MUC17: variants seen among roughly 807,000 people sequenced by gnomAD.
MUC17 encodes mucin 17, cell surface associated, also known as mucin-17.
A neutral mutation model predicts 170.3 loss-of-function variants in MUC17; 190 were observed. That is an observed-to-expected ratio of 1.12 (90% CI 0.99 to 1.26). The LOEUF is 1.26. MUC17 is among the 50% of genes most tolerant of loss of function. The pLI is 0.00. For missense variants in MUC17, 6,415 were observed against 5,530.0 expected (o/e 1.16, Z -5.08); for synonymous variants, 2,325 against 2,002.5 (o/e 1.16, Z -4.30).
In MUC17 at chr7:101,031,852, G is replaced by A. The variant is rs371869918; in HGVS notation, c.436G>A (p.Asp146Asn). The A allele has an allele frequency of 9.3e-6, 15 of 1,613,928 alleles. No individual in the cohort carries two copies. The highest frequency in any genetic ancestry group is 2.2e-5 in the South Asian group (2 of 91,068). ...ATCTCCTACAACTCCTGAAGGCACC[G>A]ACGTGCCCATGTCAACACCAAGTGA... ...TSSPTTPEGT[D>N]VPMSTPSEES... Residue 146 changes from aspartate (D) to asparagine (N), a missense_variant, in exon 3 of 13, where the codon GAC becomes AAC. Transcript: ENST00000306151.
At position 101,053,069 on chromosome 7, in the gene MUC17, G is replaced by A. The variant is rs1360423397; in HGVS notation, c.13187G>A (p.Gly4396Glu). Residue 4396 changes from glycine (G) to glutamate (E), a missense_variant, in exon 10 of 13, where the codon GGG (glycine) becomes GAG (glutamate). Physicochemically the swap from Gly to Glu is moderately conservative, Grantham distance 98. Transcript: ENST00000306151. ...TQKSLVYGLVGAGVVLMLIIL... is the reference protein window; with the variant it reads ...TQKSLVYGLVEAGVVLMLIIL... ...AAGAGTCTGGTGTACGGCCTCGTGG[G>A]GGCAGGGGTCGTGCTGATGCTGATC... is the stretch of plus-strand genomic sequence containing the variant. 6.2e-7 allele frequency: 1 copy of A among 1,614,104 alleles called. No homozygotes were observed. The highest frequency in any genetic ancestry group is 8.5e-7 in the Non-Finnish European group (1 of 1,180,024).
Position 101,036,698 on chromosome 7 carries a change from T to G in MUC17, c.5282T>G (p.Val1761Gly), listed in dbSNP as rs752914671. ...AGTATACCTGTCAGCACCACGCCGG[T>G]ACTCAGTTCTGAGGCTAGCACCCTT... ...LTSIPVSTTPVLSSEASTLSA... is the reference protein window; with the variant it reads ...LTSIPVSTTPGLSSEASTLSA... Residue 1761 changes from valine (V) to glycine (G), a missense_variant, in exon 3 of 13, where the codon GTA (valine) becomes GGA (glycine). Transcript: ENST00000306151. The G allele has an allele frequency of 6.2e-7, 1 of 1,613,026 alleles. No individual in the cohort carries two copies. The highest frequency in any genetic ancestry group is 1.3e-5 in the African/African-American group (1 of 74,560).
At position 101,037,522 on chromosome 7, in the gene MUC17, A is replaced by T. The variant is rs767170116; in HGVS notation, c.6106A>T (p.Thr2036Ser). The change falls in exon 3 of 13, where the codon ACC becomes TCC. Residue 2036 changes from threonine (T) to serine (S), a missense_variant. Thr to Ser is a moderately conservative substitution (Grantham distance 58). Coordinates refer to ENST00000306151, the MANE Select transcript of MUC17 (RefSeq NM_001040105.2). ...PTTAGGTSIQ[T>S]STPSERTTPL... ...AACTGCAGGAGGTACCAGCATACAAACCTCAACTCCTAGTGAACGGACCAC... is the reference window on the plus strand; with the variant it reads ...AACTGCAGGAGGTACCAGCATACAATCCTCAACTCCTAGTGAACGGACCAC... 1.2e-6 allele frequency: 2 copies of T among 1,613,692 alleles called. No individual in the cohort carries two copies. Among genetic ancestry groups the T allele is most frequent in the Non-Finnish European group, 1.7e-6 (2 of 1,179,836 alleles).
chr7:101,042,966 C>T lies in MUC17; in HGVS notation c.11550C>T (p.Thr3850=). Residue 3850 remains threonine (T), a synonymous_variant, in exon 3 of 13, where the codon ACC becomes ACT. Transcript: ENST00000306151. The part of the protein sequence containing the change: ...GDTSTPLLTS[T]KAGSFSIPAE... Reference sequence around the variant, plus strand: ...CCAGCACACCTTTGCTCACCTCTACCAAAGCCGGTTCATTCTCCATACCTG... The same window carrying T: ...CCAGCACACCTTTGCTCACCTCTACTAAAGCCGGTTCATTCTCCATACCTG... 1 of 1,614,136 alleles carries T rather than the reference C, an allele frequency of 6.2e-7. No individual in the cohort carries two copies. The highest frequency in any genetic ancestry group is 8.5e-7 in the Non-Finnish European group (1 of 1,180,038).
Position 101,037,157 on chromosome 7 carries a change from G to A in MUC17, c.5741G>A (p.Ser1914Asn), listed in dbSNP as rs112926140. The A allele has an allele frequency of 9.2e-5, 144 of 1,563,234 alleles. No homozygotes were observed. The African/African-American group carries it at 1.8e-3, about 20-fold the overall frequency. Residue 1914 changes from serine (S) to asparagine (N), a missense_variant, in exon 3 of 13, where the codon AGC (serine) becomes AAC (asparagine). Physicochemically the swap from Ser to Asn is conservative, Grantham distance 46. Coordinates refer to ENST00000306151, the MANE Select transcript of MUC17 (RefSeq NM_001040105.2). ...VSSSPTTADG[S>N]SMPTSTPREG... ...TCATCTCCTACAACTGCTGACGGTA[G>A]CAGCATGCCAACCTCAACTCCTAGG...
chr7:101,034,030 G>A lies in MUC17; in HGVS notation c.2614G>A (p.Val872Ile). 1 of 1,601,606 alleles carries A rather than the reference G, an allele frequency of 6.2e-7. No homozygotes were observed. Among genetic ancestry groups the A allele is most frequent in the African/African-American group, 1.3e-5 (1 of 74,088 alleles). ...EGRTPLTSMPVSTTLVATSAI... is the reference protein window; with the variant it reads ...EGRTPLTSMPISTTLVATSAI... ...AAGAACTCCTTTAACAAGTATGCCTGTCAGCACCACACTGGTGGCCACTTC... is the reference window on the plus strand; with the variant it reads ...AAGAACTCCTTTAACAAGTATGCCTATCAGCACCACACTGGTGGCCACTTC... Residue 872 changes from valine to isoleucine, a missense_variant, in exon 3 of 13, where the codon GTC becomes ATC. Physicochemically the swap from Val to Ile is conservative, Grantham distance 29. Coordinates refer to ENST00000306151, the MANE Select transcript of MUC17 (RefSeq NM_001040105.2).
chr7:101,041,774 C>A lies in MUC17; in HGVS notation c.10358C>A (p.Thr3453Asn). ...GGTACCAGCTTGCCAACCTCAACTA[C>A]TAGTGAAGGAAGCACTCCATTATCA... ...AEGTSLPTST[T>N]SEGSTPLSIM... Residue 3453 changes from threonine to asparagine, a missense_variant, in exon 3 of 13, where the codon ACT becomes AAT. Transcript: ENST00000306151. The A allele has an allele frequency of 6.2e-7, 1 of 1,613,540 alleles. No individual in the cohort carries two copies. Among genetic ancestry groups the A allele is most frequent in the Non-Finnish European group, 8.5e-7 (1 of 1,179,898 alleles).
rs201412773 is a variant in MUC17, at chr7:101,039,413, C to T, written c.7997C>T (p.Thr2666Ile). ...TPVDTRTLVT[T>I]STGTSSSPTT... is the part of the protein sequence containing the mutation. Reference sequence around the variant, plus strand: ...GTTGACACCAGGACACTTGTGACCACTTCCACTGGAACCAGTTCATCTCCT... The same window carrying T: ...GTTGACACCAGGACACTTGTGACCATTTCCACTGGAACCAGTTCATCTCCT... The change falls in exon 3 of 13, where the codon ACT becomes ATT. Residue 2666 changes from threonine (T) to isoleucine (I), a missense_variant. Thr to Ile is a moderately conservative substitution (Grantham distance 89). Transcript: ENST00000306151. The T allele has an allele frequency of 1.8e-5, 29 of 1,612,380 alleles. No homozygotes were observed. The African/African-American group carries it at 3.5e-4, about 19-fold the overall frequency.
chr7:101,056,398 C>A, intron 12 of MUC17, 128 bp downstream of exon 12: 1 of 1,409,208 alleles, frequency 7.1e-7, no homozygotes, highest in South Asian at 1.4e-5. Context: ...GGTGATCCTC[C>A]CAGGTCCATA....
intron 1 of MUC17, among the ~76,000 whole-genome samples, chr7:101,030,104 G>A (rs1045228047): frequency 2.0e-5 from 3 of 152,082 alleles, no homozygotes; most frequent in Non-Finnish European, 4.4e-5. Flanking sequence ...AAATGTTTAC[G>A]TGTGTTGAAC....
chr7:101,048,859 A>G lies in MUC17; in HGVS notation c.12550A>G (p.Ile4184Val). The G allele has an allele frequency of 6.2e-7, 1 of 1,614,136 alleles. No individual in the cohort carries two copies. Among genetic ancestry groups the G allele is most frequent in the South Asian group, 1.1e-5 (1 of 91,082 alleles). ...SSIDIGPPETISAQMELTVTV... is the reference protein window; with the variant it reads ...SSIDIGPPETVSAQMELTVTV... ...ACCCGCCTCAGGGCCACCGGAGACT[A>G]TCTCTGCCCAAATGGAACTGACTGT... Residue 4184 changes from isoleucine (I) to valine (V), a missense_variant, in exon 5 of 13, where the codon ATC becomes GTC. Ile to Val is a conservative substitution (Grantham distance 29, BLOSUM62 3). Coordinates refer to ENST00000306151, the MANE Select transcript of MUC17 (RefSeq NM_001040105.2).
rs1225988468 is a variant in MUC17 at position 101,033,722 on chromosome 7, C to T, written c.2306C>T (p.Thr769Ile). The T allele has an allele frequency of 3.7e-6, 6 of 1,613,668 alleles. No individual in the cohort carries two copies. Among genetic ancestry groups the T allele is most frequent in the Non-Finnish European group, 5.1e-6 (6 of 1,179,652 alleles). Residue 769 changes from threonine to isoleucine, a missense_variant, in exon 3 of 13, where the codon ACA becomes ATA. Coordinates refer to ENST00000306151, the MANE Select transcript of MUC17 (RefSeq NM_001040105.2). ...LTSSEASTLS[T>I]TPLDTSTHIT... ...AGTTCTGAGGCTAGCACCCTTTCAACAACTCCTCTTGACACAAGCACACAT... is the reference window on the plus strand; with the variant it reads ...AGTTCTGAGGCTAGCACCCTTTCAATAACTCCTCTTGACACAAGCACACAT...
rs1316901411 is a variant in MUC17 at position 101,033,456 on chromosome 7, C to T, written c.2040C>T (p.Thr680=). 5 of 1,613,454 alleles carry T rather than the reference C, an allele frequency of 3.1e-6. No homozygotes were observed. The highest frequency in any genetic ancestry group is 1.1e-5 in the South Asian group (1 of 90,968). ...CTGCGGAAGGTACCAGCATGCCAACCTCAACTTATACTGAAGGAAGCACTC... is the reference window on the plus strand; with the variant it reads ...CTGCGGAAGGTACCAGCATGCCAACTTCAACTTATACTGAAGGAAGCACTC... The part of the protein sequence containing the change: ...STTAEGTSMP[T]STYTEGSTPL... Residue 680 remains threonine (T), a synonymous_variant, in exon 3 of 13, where the codon ACC becomes ACT. Coordinates refer to ENST00000306151, the MANE Select transcript of MUC17 (RefSeq NM_001040105.2).
Position 101,033,461 on chromosome 7 carries a change from C to T in MUC17, c.2045C>T (p.Thr682Ile), listed in dbSNP as rs758947983. 1.2e-6 allele frequency: 2 copies of T among 1,613,454 alleles called. No individual in the cohort carries two copies. The highest frequency in any genetic ancestry group is 2.7e-5 in the African/African-American group (2 of 74,878). ...GAAGGTACCAGCATGCCAACCTCAA[C>T]TTATACTGAAGGAAGCACTCCATTA... ...TAEGTSMPTS[T>I]YTEGSTPLTS... Residue 682 changes from threonine to isoleucine, a missense_variant, in exon 3 of 13, where the codon ACT becomes ATT. Coordinates refer to ENST00000306151, the MANE Select transcript of MUC17 (RefSeq NM_001040105.2).
chr7:101,040,992 C>A lies in MUC17; in HGVS notation c.9576C>A (p.Ser3192Arg), dbSNP rs781396185. The change falls in exon 3 of 13, where the codon AGC becomes AGA. Residue 3192 changes from serine (S) to arginine (R), a missense_variant. By Grantham distance (110) the Ser-to-Arg change is moderately radical. Coordinates refer to ENST00000306151, the MANE Select transcript of MUC17 (RefSeq NM_001040105.2). Reference sequence around the variant, plus strand: ...TTTCAGCAACTCCTGTTGACACCAGCACACCTGTGACCACTTCTACTGAAG... The same window carrying A: ...TTTCAGCAACTCCTGTTGACACCAGAACACCTGTGACCACTTCTACTGAAG... The part of the protein sequence containing the change: ...STLSATPVDT[S>R]TPVTTSTEAT... 7 of 1,613,848 alleles carry A rather than the reference C, an allele frequency of 4.3e-6. No individual in the cohort carries two copies. The East Asian group carries it at 1.6e-4, about 36-fold the overall frequency.
chr7:101,042,806 C>T lies in MUC17; in HGVS notation c.11390C>T (p.Thr3797Ile). Reference sequence around the variant, plus strand: ...TCTGAAGGCAGTTCATCTCCTACAACTCTTGAAGGCACCACCACCATGCCT... The same window carrying T: ...TCTGAAGGCAGTTCATCTCCTACAATTCTTGAAGGCACCACCACCATGCCT... ...TASEGSSSPT[T>I]LEGTTTMPMS... Residue 3797 changes from threonine (T) to isoleucine (I), a missense_variant, in exon 3 of 13, where the codon ACT becomes ATT. By Grantham distance (89) the Thr-to-Ile change is moderately conservative. Coordinates refer to ENST00000306151, the MANE Select transcript of MUC17 (RefSeq NM_001040105.2). The T allele has an allele frequency of 1.2e-6, 2 of 1,614,200 alleles. No homozygotes were observed. Among genetic ancestry groups the T allele is most frequent in the Non-Finnish European group, 1.7e-6 (2 of 1,180,038 alleles).
At position 101,031,837 on chromosome 7, in the gene MUC17, A is replaced by G. The variant is rs1484342305; in HGVS notation, c.421A>G (p.Thr141Ala). 1 of 1,613,946 alleles carries G rather than the reference A, an allele frequency of 6.2e-7. No individual in the cohort carries two copies. The change falls in exon 3 of 13, where the codon ACT becomes GCT. Residue 141 changes from threonine to alanine, a missense_variant. Physicochemically the swap from Thr to Ala is moderately conservative, Grantham distance 58. Coordinates refer to ENST00000306151, the MANE Select transcript of MUC17 (RefSeq NM_001040105.2). ...TACTGAAGACACTTCATCTCCTACA[A>G]CTCCTGAAGGCACCGACGTGCCCAT... ...SSTEDTSSPTTPEGTDVPMST... is the reference protein window; with the variant it reads ...SSTEDTSSPTAPEGTDVPMST...
In MUC17 at chr7:101,052,723, G is replaced by C. The variant is rs556118719; in HGVS notation, c.13104-263G>C. On this transcript the variant is annotated intron_variant, in intron 9 of 12. Transcript: ENST00000306151. ...GGGGTGCAGCCCAGGGAAGACCCAG[G>C]GTTGGGCCAACCGTCCTAGGTCCTG... 2.4e-3 allele frequency among the ~76,000 whole-genome samples: 372 copies of C among 152,214 alleles called. 1 individual carries two copies. Among genetic ancestry groups the C allele is most frequent in the Non-Finnish European group, 4.8e-3 (327 of 67,990 alleles).
chr7:101,025,475 T>C (rs1794164037), intron 1 of MUC17, among the ~76,000 whole-genome samples: 1 of 149,898 alleles, frequency 6.7e-6, no homozygotes, highest in Non-Finnish European at 1.5e-5. Flanking sequence ...CCAGCCTGGC[T>C]AACATGGTGA....
Sources: gnomAD v4.1 joint callset for allele counts (sites outside exome capture counted in the v4.1 genomes callset) on GRCh38, gnomAD v4.1.1 for gene constraint, MANE v1.5 for transcripts, NCBI Gene and HGNC (gene_info 2026-07-23, HGNC 2026-07-21) for gene names.